The following NLGN4X variants were observed in gnomAD, a reference collection of about 807,000 sequenced individuals.
The protein encoded by NLGN4X is neuroligin-4, X-linked.
A neutral mutation model predicts 40.3 loss-of-function variants in NLGN4X; 3 were observed. The observed-to-expected ratio is 0.07, with a 90% confidence interval of 0.03 to 0.19. NLGN4X has a LOEUF of 0.19. NLGN4X is among the 10% of genes least tolerant of loss of function. The pLI, the probability that NLGN4X is intolerant of heterozygous loss-of-function variation, is 1.00. For synonymous variants in NLGN4X, 270 were observed against 306.8 expected (o/e 0.88, Z 1.25); for missense variants, 382 against 708.3 (o/e 0.54, Z 5.23).
intron 3 of NLGN4X, among the ~76,000 whole-genome samples, chrX:5,947,525 G>C (rs769772330): frequency 2.7e-5 from 3 of 111,780 alleles, no homozygotes; most frequent in African/African-American, 9.7e-5. Flanking sequence ...TGTCCAAGGC[G>C]TTCAAAGTCT....
intron 1 of NLGN4X, among the ~76,000 whole-genome samples, chrX:6,192,882 G>A (rs1424681956): frequency 1.8e-5 from 2 of 111,477 alleles, no homozygotes; most frequent in Non-Finnish European, 3.8e-5. Flanking sequence ...GGGAACAATC[G>A]GGCTCAAGGA....
chrX:5,921,148 CATAT>C (rs60922455), intron 3 of NLGN4X, among the ~76,000 whole-genome samples: 2,038 of 91,025 alleles, frequency 0.022, 62 homozygotes, highest in African/African-American at 0.077. Context: ...TATATATATA[CATAT>C]ATATATATAT....
intron 1 of NLGN4X, among the ~76,000 whole-genome samples, chrX:6,152,491 T>C (rs1370382618): frequency 1.8e-5 from 2 of 112,122 alleles, no homozygotes; most frequent in African/African-American, 3.2e-5. Context: ...GAGACATGCA[T>C]GGAGCTCTAA....
chrX:5,970,206 A>C (rs1358489465), intron 3 of NLGN4X, among the ~76,000 whole-genome samples: 1 of 110,288 alleles, frequency 9.1e-6, no homozygotes, highest in Admixed American at 9.7e-5. Flanking sequence ...AATAGTAATA[A>C]TGATTTAAAA....
chrX:6,046,131 A>C (rs1178951412), intron 2 of NLGN4X, among the ~76,000 whole-genome samples: 2 of 112,268 alleles, frequency 1.8e-5, no homozygotes, highest in African/African-American at 6.4e-5. Flanking sequence ...GTTACATAAA[A>C]TATATAAAAT....
chrX:6,047,643 CTGGCAGTTTATTGTAAAAT>C (rs1372819850), intron 2 of NLGN4X, among the ~76,000 whole-genome samples: 2 of 111,979 alleles, frequency 1.8e-5, no homozygotes, highest in Non-Finnish European at 3.8e-5. Flanking sequence ...GAGACATATC[CTGGCAGTTTATTGTAAAAT>C]TAGTGAAATA....
chrX:5,911,405 G>T (rs979543770), intron 3 of NLGN4X, among the ~76,000 whole-genome samples: 31 of 111,797 alleles, frequency 2.8e-4, no homozygotes, highest in African/African-American at 8.5e-4. Flanking sequence ...TCCAAAAGCA[G>T]GCTAATGAAT....
intron 2 of NLGN4X, among the ~76,000 whole-genome samples, chrX:6,070,988 G>A (rs1431028242): frequency 9.0e-6 from 1 of 111,355 alleles, no homozygotes; most frequent in Non-Finnish European, 1.9e-5. Flanking sequence ...ATTCAAGTGG[G>A]GATAAAAAGC....
At position 6,110,486 on chromosome X, in the gene NLGN4X, G is replaced by C. The variant is rs150373617; in HGVS notation, c.472+40509C>G. Among the ~76,000 whole-genome samples the C allele has an allele frequency of 4.7e-3, 528 of 112,061 alleles. 7 individuals are homozygous for C. The highest frequency in any genetic ancestry group is 0.016 in the African/African-American group (503 of 30,821). The stretch of plus-strand genomic sequence containing the variant: ...AAACCCTATAAGCAGATACGCAGCA[G>C]ATTGGTTCTTCTAATATGCTTCTCT... On this transcript the variant is annotated intron_variant, in intron 2 of 5. Transcript: ENST00000381095.
At chrX:6,175,038 T>C (rs760032137) in intron 1 of NLGN4X, among the ~76,000 whole-genome samples, 1 of 111,952 alleles carries the variant, frequency 8.9e-6, no homozygotes, top group East Asian at 2.8e-4. Flanking sequence ...TAAATATGTA[T>C]TGCTTTCTAT....
At chrX:6,000,960 C>T (rs753229801) in intron 3 of NLGN4X, among the ~76,000 whole-genome samples, 1 of 111,723 alleles carries the variant, frequency 9.0e-6, no homozygotes, top group Admixed American at 9.5e-5. Flanking sequence ...AAGTTTGACT[C>T]ACAGTTCAGC....
intron 1 of NLGN4X, among the ~76,000 whole-genome samples, chrX:6,159,739 C>T (rs2040347043): frequency 8.9e-6 from 1 of 111,790 alleles, no homozygotes; most frequent in Non-Finnish European, 1.9e-5. Context: ...TCTTAAGTTG[C>T]TTTCACCACT....
chrX:6,032,826 A>G, intron 2 of NLGN4X: 1 of 621,644 alleles, frequency 1.6e-6, no homozygotes, highest in Non-Finnish European at 2.4e-6. Flanking sequence ...AAATTCAGAA[A>G]AGAGAGAGAT....
intron 3 of NLGN4X, among the ~76,000 whole-genome samples, chrX:5,910,603 T>A (rs1002251969): frequency 9.0e-6 from 1 of 111,367 alleles, no homozygotes; most frequent in Admixed American, 9.6e-5. Context: ...CTTCTACTTT[T>A]AAAACAAAAA....
At chrX:6,102,677 C>CATACATACAT (rs1224051562) in intron 2 of NLGN4X, among the ~76,000 whole-genome samples, 25 of 64,670 alleles carry the variant, frequency 3.9e-4, no homozygotes, top group African/African-American at 7.0e-4. Flanking sequence ...CATACATAGA[C>CATACATACAT]AGATAGATAC....
chrX:6,202,646 G>A (rs1923725609), intron 1 of NLGN4X, among the ~76,000 whole-genome samples: 1 of 111,134 alleles, frequency 9.0e-6, no homozygotes, highest in East Asian at 2.8e-4. Context: ...AAAACGTCTT[G>A]ATAATGGATA....
chrX:6,224,995 TATATATATATATATATACAC>T (rs1308864908), intron 1 of NLGN4X, among the ~76,000 whole-genome samples: 9 of 52,881 alleles, frequency 1.7e-4, no homozygotes, highest in Admixed American at 2.3e-4. Context: ...TATATATATA[TATATATATATATATATACAC>T]ACACACACAC....
At chrX:6,138,813 A>C (rs2039880248) in intron 2 of NLGN4X, among the ~76,000 whole-genome samples, 2 of 111,049 alleles carry the variant, frequency 1.8e-5, no homozygotes, top group South Asian at 7.6e-4. Context: ...TCTGTGATTA[A>C]AGTCTAAGTT....
chrX:6,055,532 T>C (rs1389211658), intron 2 of NLGN4X, among the ~76,000 whole-genome samples: 3 of 111,017 alleles, frequency 2.7e-5, no homozygotes, highest in Non-Finnish European at 5.7e-5. Flanking sequence ...CTATTGGATG[T>C]TATGCTCACT....
Sources: gnomAD v4.1 joint callset for allele counts (sites outside exome capture counted in the v4.1 genomes callset) on GRCh38, gnomAD v4.1.1 for gene constraint, MANE v1.5 for transcripts, NCBI Gene and HGNC (gene_info 2026-07-23, HGNC 2026-07-21) for gene names.